Variants in RBFOX1 observed in about 807,000 individuals in gnomAD.
RBFOX1 encodes the protein RNA binding fox-1 homolog 1, also known as RNA binding protein fox-1 homolog 1.
Under a neutral mutation model 57.7 loss-of-function variants are expected in RBFOX1, and 8 were observed. That is an observed-to-expected ratio of 0.14 (90% CI 0.08 to 0.25). The LOEUF (loss-of-function observed/expected upper bound fraction) is 0.25, where lower values mean the gene tolerates loss of function less well. Ranked by LOEUF, RBFOX1 falls within the 10% of genes least tolerant of loss-of-function variation. RBFOX1 has a pLI of 1.00. For missense variants in RBFOX1, 611 were observed against 548.5 expected, an observed-to-expected ratio of 1.11 and a Z score of -1.14; for synonymous variants, 326 against 222.4, an observed-to-expected ratio of 1.47 and a Z score of -4.15.
intron 3 of RBFOX1, among the ~76,000 whole-genome samples, chr16:6,958,152 G>T (rs1355675625): frequency 6.6e-6 from 1 of 152,144 alleles, no homozygotes; most frequent in East Asian, 1.9e-4. Flanking sequence ...AGCAAGGGGA[G>T]GGGAAAGTTA....
intron 2 of RBFOX1, among the ~76,000 whole-genome samples, chr16:6,363,906 A>G (rs1300135826): frequency 8.5e-5 from 13 of 152,266 alleles, no homozygotes; most frequent in African/African-American, 2.4e-4. Flanking sequence ...TAGGTGAAGT[A>G]TCTGAATATA....
At chr16:6,290,473 G>C (rs566802764) in intron 1 of RBFOX1, among the ~76,000 whole-genome samples, 6 of 152,152 alleles carry the variant, frequency 3.9e-5, no homozygotes, top group African/African-American at 1.4e-4. Flanking sequence ...ACCTGAAAGT[G>C]AGCATCAGTC....
At position 5,856,575 on chromosome 16, in the gene RBFOX1, G is replaced by GTGTATATATATATA. The variant is rs1192496608; in HGVS notation, c.319-10727_319-10726insGTATATATATATAT. ...TGTGTGTGTGTGTATGTGTGTGTGT[G>GTGTATATATATATA]TATATATATATATATATATATATAT... On this transcript the variant is annotated intron_variant, in intron 3 of 19. Coordinates refer to the RBFOX1 transcript ENST00000641259. Among the ~76,000 whole-genome samples the GTGTATATATATATA allele has an allele frequency of 2.5e-3, 81 of 32,904 alleles. 4 individuals are homozygous for GTGTATATATATATA. Among genetic ancestry groups the GTGTATATATATATA allele is most frequent in the Non-Finnish European group, 3.2e-3 (56 of 17,394 alleles). The allele number at this position is 32,904 out of a possible 152,430, so 21.6% of individuals were successfully genotyped here.
intron 4 of RBFOX1, among the ~76,000 whole-genome samples, chr16:7,271,717 G>T (rs900280732): frequency 4.6e-5 from 7 of 152,032 alleles, no homozygotes; most frequent in Non-Finnish European, 7.4e-5. Flanking sequence ...TTTCATGGGG[G>T]TCAGCATAAA....
At position 7,506,546 on chromosome 16, in the gene RBFOX1, A is replaced by G. The variant is rs560166996; in HGVS notation, c.28-11601A>G. On this transcript the variant is annotated intron_variant, in intron 4 of 15. Transcript: ENST00000550418. ...AGATTTCTTTTCCTCGTTACCAGAC[A>G]TCGTCATCACCATCACCATTATTAC... 9.9e-5 allele frequency among the ~76,000 whole-genome samples: 15 copies of G among 152,254 alleles called. No individual in the cohort carries two copies. The South Asian group carries it at 3.1e-3, about 32-fold the overall frequency.
intron 4 of RBFOX1, among the ~76,000 whole-genome samples, chr16:5,978,651 C>T (rs2060114133): frequency 7.3e-6 from 1 of 137,456 alleles, no homozygotes; most frequent in East Asian, 2.2e-4. Context: ...CTCAGAGTCT[C>T]AAAGTGTTTT....
intron 4 of RBFOX1, among the ~76,000 whole-genome samples, chr16:7,236,214 A>G (rs1442201674): frequency 1.3e-5 from 2 of 152,198 alleles, no homozygotes; most frequent in East Asian, 1.9e-4. Context: ...TAAATATTCA[A>G]GAGTTATATT....
intron 4 of RBFOX1, among the ~76,000 whole-genome samples, chr16:7,186,259 T>A (rs2083751245): frequency 1.4e-5 from 1 of 69,212 alleles, no homozygotes; most frequent in Non-Finnish European, 2.7e-5. Flanking sequence ...TAAACATATT[T>A]ATATAAACAT....
At chr16:5,316,954 A>T (rs1475785492) in intron 1 of RBFOX1, among the ~76,000 whole-genome samples, 1 of 152,118 alleles carries the variant, frequency 6.6e-6, no homozygotes, top group African/African-American at 2.4e-5. Flanking sequence ...GTGAACTCTT[A>T]CTATGTCTCT....
Position 6,804,009 on chromosome 16 carries a change from C to A in RBFOX1, c.-16+149359C>A, listed in dbSNP as rs373819135. On this transcript the variant is annotated intron_variant, in intron 3 of 15. Transcript: ENST00000550418. ...AACTGTATAGTACATAAAACTCATA[C>A]AATTTTTTTTTTTTCGAGATGGAGT... 8.6e-5 allele frequency among the ~76,000 whole-genome samples: 13 copies of A among 150,750 alleles called. No individual in the cohort carries two copies. In the South Asian group the frequency reaches 1.2e-3, roughly 14 times the overall value.
At chr16:6,229,008 C>T (rs1023557921) in intron 1 of RBFOX1, among the ~76,000 whole-genome samples, 4 of 151,766 alleles carry the variant, frequency 2.6e-5, no homozygotes, top group Admixed American at 1.3e-4. Flanking sequence ...GCACAAATCC[C>T]CTGCTGTGCC....
chr16:7,007,218 A>T (rs1596750076), intron 3 of RBFOX1, among the ~76,000 whole-genome samples: 1 of 152,200 alleles, frequency 6.6e-6, no homozygotes, highest in Non-Finnish European at 1.5e-5. Flanking sequence ...ACTGGCTGGT[A>T]GCAGAAGGGC....
At chr16:6,441,194 A>G (rs746899624) in intron 2 of RBFOX1, among the ~76,000 whole-genome samples, 2 of 152,072 alleles carry the variant, frequency 1.3e-5, no homozygotes, top group Non-Finnish European at 2.9e-5. Flanking sequence ...GATGGGGCTA[A>G]TAATGTCTAA....
At chr16:6,821,992 T>G (rs187244036) in intron 3 of RBFOX1, among the ~76,000 whole-genome samples, 1 of 152,288 alleles carries the variant, frequency 6.6e-6, no homozygotes, top group African/African-American at 2.4e-5. Flanking sequence ...GATACTTCGC[T>G]GACATACCTT....
intron 2 of RBFOX1, among the ~76,000 whole-genome samples, chr16:5,537,445 C>T (rs558001107): frequency 2.0e-5 from 3 of 152,330 alleles, no homozygotes; most frequent in Non-Finnish European, 2.9e-5. Context: ...TTATGTAGGC[C>T]AGACATCTGG....
chr16:7,109,024 T>C (rs946956925), intron 4 of RBFOX1, among the ~76,000 whole-genome samples: 2 of 152,226 alleles, frequency 1.3e-5, no homozygotes, highest in East Asian at 3.9e-4. Context: ...GAGGGCAGTA[T>C]ACGTGCAGCA....
At chr16:6,991,330 C>G (rs528913529) in intron 3 of RBFOX1, among the ~76,000 whole-genome samples, 23 of 152,100 alleles carry the variant, frequency 1.5e-4, no homozygotes, top group Middle Eastern at 6.8e-3. Context: ...CTGCATTTCT[C>G]CATTTCAGCT....
intron 4 of RBFOX1, among the ~76,000 whole-genome samples, chr16:5,984,288 A>G (rs1270980629): frequency 6.8e-6 from 1 of 147,256 alleles, no homozygotes; most frequent in Non-Finnish European, 1.5e-5. Context: ...AATACACGTT[A>G]CCTCTCTCCA....
intron 5 of RBFOX1, among the ~76,000 whole-genome samples, chr16:7,572,027 T>G (rs1404438411): frequency 6.6e-6 from 1 of 152,134 alleles, no homozygotes; most frequent in Non-Finnish European, 1.5e-5. Flanking sequence ...CTGGGGAGGC[T>G]GAGGCAGGAG....
Sources: gnomAD v4.1 joint callset for allele counts (sites outside exome capture counted in the v4.1 genomes callset) on GRCh38, gnomAD v4.1.1 for gene constraint, MANE v1.5 for transcripts, NCBI Gene and HGNC (gene_info 2026-07-23, HGNC 2026-07-21) for gene names.